CCDC93: variants seen among roughly 807,000 people sequenced by gnomAD.
CCDC93 encodes coiled-coil domain-containing protein 93.
CCDC93 carries 61 observed loss-of-function variants against 108.2 expected under a neutral mutation model. The ratio of observed to expected loss-of-function variants is 0.56; its 90% CI spans 0.46 to 0.70. CCDC93 has a LOEUF of 0.70. CCDC93 is among the 30% of genes least tolerant of loss of function. The probability of loss-of-function intolerance (pLI) is 0.00; values close to 1 mark genes in which losing one functional copy is unlikely to be tolerated. For synonymous variants in CCDC93, 276 were observed against 260.4 expected (o/e 1.06, Z -0.58); for missense variants, 685 against 764.2 (o/e 0.90, Z 1.22).
At chr2:117,986,991 T>C (rs528285195) in intron 6 of CCDC93, among the ~76,000 whole-genome samples, 1 of 150,120 alleles carries the variant, frequency 6.7e-6, no homozygotes, top group South Asian at 2.1e-4. Flanking sequence ...TAGTTACAAT[T>C]GAAAGAGTCA....
At chr2:117,982,071 T>C (rs1258343792) in intron 7 of CCDC93, among the ~76,000 whole-genome samples, 1 of 152,122 alleles carries the variant, frequency 6.6e-6, no homozygotes, top group Non-Finnish European at 1.5e-5. Context: ...GGGAGAGGTA[T>C]GCCGTGTTTT....
intron 6 of CCDC93, among the ~76,000 whole-genome samples, chr2:117,990,138 CTCACT>C (rs1558798688): frequency 6.6e-6 from 1 of 152,198 alleles, no homozygotes; most frequent in Non-Finnish European, 1.5e-5. Flanking sequence ...AGTAAAAGAC[CTCACT>C]TCACAGGACA....
chr2:117,998,042 A>C (rs1381047405), intron 4 of CCDC93: 1 of 152,114 alleles, frequency 6.6e-6, no homozygotes, highest in African/African-American at 2.4e-5. Context: ...ATAGAGGGAA[A>C]CTCTTGGACA....
intron 3 of CCDC93, among the ~76,000 whole-genome samples, chr2:118,002,854 T>C (rs986508169): frequency 7.9e-5 from 12 of 152,198 alleles, no homozygotes; most frequent in African/African-American, 2.2e-4. Context: ...CTGGGCAACA[T>C]AGTAAGACCT....
intron 19 of CCDC93, among the ~76,000 whole-genome samples, chr2:117,940,013 G>A (rs1678648832): frequency 6.6e-6 from 1 of 152,266 alleles, no homozygotes; most frequent in Admixed American, 6.5e-5. Context: ...ACAGCTTTTA[G>A]AGTAAAATGA....
intron 6 of CCDC93, among the ~76,000 whole-genome samples, chr2:117,992,522 G>A (rs1558799658): frequency 6.6e-6 from 1 of 152,124 alleles, no homozygotes; most frequent in East Asian, 1.9e-4. Context: ...AGGATTACGG[G>A]CATGAACCAC....
In CCDC93 at chr2:118,008,423, G is replaced by T. The variant is rs1470959253; in HGVS notation, c.156+122C>A. ...CACTTCCATAATGAATCTGAATTAG[G>T]AAGAAATGGAAACACAGACATGGAA... On this transcript the variant is annotated intron_variant, in intron 2 of 23. Transcript: ENST00000376300. 14 of 650,660 alleles carry T rather than the reference G, an allele frequency of 2.2e-5. No homozygotes were observed. The Admixed American group carries it at 4.0e-4, about 19-fold the overall frequency. 40.3% of individuals were successfully genotyped at this position (650,660 alleles called of 1,614,324 possible).
intron 11 of CCDC93, 133 bp from the exon 12 acceptor site, chr2:117,958,614 C>T (rs4142224): frequency 0.053 from 34,855 of 657,586 alleles, 1,530 homozygotes; most frequent in East Asian, 0.16. Context: ...TTACAGAGGC[C>T]TGTTCAAAAC....
At chr2:117,947,692 GC>G (rs1678915820) in intron 15 of CCDC93, among the ~76,000 whole-genome samples, 1 of 115,820 alleles carries the variant, frequency 8.6e-6, no homozygotes, top group South Asian at 3.0e-4. Flanking sequence ...GGATGAATCT[GC>G]TTTTTTTTTT....
intron 22 of CCDC93, among the ~76,000 whole-genome samples, chr2:117,933,203 G>A (rs1015606953): frequency 2.0e-5 from 3 of 152,156 alleles, no homozygotes; most frequent in Non-Finnish European, 2.9e-5. Context: ...CAAGAAGCTT[G>A]GGACATGAAA....
intron 22 of CCDC93, among the ~76,000 whole-genome samples, chr2:117,932,129 C>G (rs1041773540): frequency 4.6e-5 from 7 of 152,106 alleles, no homozygotes; most frequent in African/African-American, 1.7e-4. Context: ...TAGAGCAGGG[C>G]TGGCAATGCT....
intron 23 of CCDC93, among the ~76,000 whole-genome samples, chr2:117,923,569 G>A (rs868344948): frequency 6.6e-6 from 1 of 152,180 alleles, no homozygotes; most frequent in Non-Finnish European, 1.5e-5. Context: ...GGCTGGGGGA[G>A]GGGCACCCGC....
chr2:117,949,206 G>A (rs1439324377), intron 14 of CCDC93, 116 bp downstream of exon 14: 3 of 714,218 alleles, frequency 4.2e-6, no homozygotes, highest in East Asian at 5.1e-5. Context: ...TGACCTGCAG[G>A]GGCCAGACCA....
At chr2:117,988,972 A>G (rs542308209) in intron 6 of CCDC93, among the ~76,000 whole-genome samples, 1 of 152,304 alleles carries the variant, frequency 6.6e-6, no homozygotes, top group African/African-American at 2.4e-5. Context: ...GGGTAAGAAT[A>G]AGATCACTGA....
At chr2:117,978,087 T>C in intron 7 of CCDC93, 57 bp from the exon 8 acceptor site, 1 of 1,470,798 alleles carries the variant, frequency 6.8e-7, no homozygotes, top group East Asian at 2.3e-5. Context: ...ATACATTCAG[T>C]GAAATGCATT....
chr2:117,950,695 A>T (rs1679024575), intron 13 of CCDC93: 8 of 985,326 alleles, frequency 8.1e-6, no homozygotes, highest in Non-Finnish European at 9.6e-6. Flanking sequence ...CCAGAGGTGA[A>T]AAACATTAAT....
rs1284840344 is a variant in CCDC93 at position 117,918,899 on chromosome 2, G to C, written c.*1444C>G. The C allele has an allele frequency of 2.6e-5, 4 of 152,224 alleles. No homozygotes were observed. Among genetic ancestry groups the C allele is most frequent in the Non-Finnish European group, 4.4e-5 (3 of 68,040 alleles). The allele number at this position is 152,224 out of a possible 1,614,324, so 9.4% of individuals were successfully genotyped here. On this transcript the variant is annotated 3_prime_UTR_variant, in exon 24 of 24. Transcript: ENST00000376300. ...TGTTTTTAATCCAGCACGTGTGTGT[G>C]TTTTTAAATCTGTACACATCAGCCC...
intron 12 of CCDC93, among the ~76,000 whole-genome samples, chr2:117,953,416 T>C (rs1377159589): frequency 6.6e-6 from 1 of 152,164 alleles, no homozygotes; most frequent in Admixed American, 6.5e-5. Context: ...GTGCCCCCCT[T>C]TTCAAAGAGA....
Position 117,917,512 on chromosome 2 carries a change from G to A in CCDC93, c.*2831C>T, listed in dbSNP as rs1218733498. The A allele has an allele frequency of 1.3e-5, 2 of 152,552 alleles. No individual in the cohort carries two copies. The highest frequency in any genetic ancestry group is 2.9e-5 in the Non-Finnish European group (2 of 68,056). The allele number at this position is 152,552 out of a possible 1,614,324, so 9.4% of individuals were successfully genotyped here. ...CCCAGCTATCCTGAAAATATTAAGG[G>A]CTACGAGCTAGAACCATTAAAACCA... On this transcript the variant is annotated 3_prime_UTR_variant, in exon 24 of 24. Coordinates refer to ENST00000376300, the MANE Select transcript of CCDC93 (RefSeq NM_019044.5).
Sources: gnomAD v4.1 joint callset for allele counts (sites outside exome capture counted in the v4.1 genomes callset) on GRCh38, gnomAD v4.1.1 for gene constraint, MANE v1.5 for transcripts, NCBI Gene and HGNC (gene_info 2026-07-23, HGNC 2026-07-21) for gene names.